Variants in TOP1 observed in about 807,000 individuals in gnomAD.
TOP1 encodes DNA topoisomerase 1.
A neutral mutation model predicts 111.1 loss-of-function variants in TOP1; 10 were observed. That is an observed-to-expected ratio of 0.09 (90% CI 0.06 to 0.15). TOP1 has a LOEUF of 0.15. Ranked by LOEUF, TOP1 falls within the 10% of genes least tolerant of loss-of-function variation. The probability of loss-of-function intolerance (pLI) is 1.00; values close to 1 mark genes in which losing one functional copy is unlikely to be tolerated. For synonymous variants in TOP1, 271 were observed against 302.9 expected (o/e 0.89, Z 1.10); for missense variants, 474 against 926.7 (o/e 0.51, Z 6.34).
chr20:41,092,912 T>C lies in TOP1; in HGVS notation c.730+325T>C, dbSNP rs1281144624. Among the ~76,000 whole-genome samples, 1 of 151,798 alleles carries C rather than the reference T, an allele frequency of 6.6e-6. No individual in the cohort carries two copies. The highest frequency in any genetic ancestry group is 1.5e-5 in the Non-Finnish European group (1 of 68,036). On this transcript the variant is annotated intron_variant, in intron 9 of 20. Transcript: ENST00000361337. This position sits in a 1 kb window ranked among gnomAD's most constrained non-coding sequence, Gnocchi z 4.3. Reference sequence around the variant, plus strand: ...CTAGGGAGCAACTCTTCGCAAGAGTTATTAGAAAAGCCTCACTTGAATGGT... The same window carrying C: ...CTAGGGAGCAACTCTTCGCAAGAGTCATTAGAAAAGCCTCACTTGAATGGT...
Position 41,097,405 on chromosome 20 carries a change from T to G in TOP1, c.852+64T>G. 1 of 1,462,864 alleles carries G rather than the reference T, an allele frequency of 6.8e-7. No homozygotes were observed. Among genetic ancestry groups the G allele is most frequent in the Non-Finnish European group, 9.2e-7 (1 of 1,090,964 alleles). 90.6% of individuals were successfully genotyped at this position (1,462,864 alleles called of 1,614,324 possible). Reference sequence around the variant, plus strand: ...AAACAATCAAGTACTAAGTAATAAATTATCATTTTGCAAAACATTTCCTGA... The same window carrying G: ...AAACAATCAAGTACTAAGTAATAAAGTATCATTTTGCAAAACATTTCCTGA... On this transcript the variant is annotated intron_variant, in intron 10 of 20. Transcript: ENST00000361337. This position sits in a 1 kb window ranked among gnomAD's most constrained non-coding sequence, Gnocchi z 4.2.
rs1472919187 is a variant in TOP1, at chr20:41,067,737, G to A, written c.155+6247G>A. Among the ~76,000 whole-genome samples the A allele has an allele frequency of 6.6e-6, 1 of 152,140 alleles. No homozygotes were observed. The highest frequency in any genetic ancestry group is 1.5e-5 in the Non-Finnish European group (1 of 68,022). On this transcript the variant is annotated intron_variant, in intron 3 of 20. Transcript: ENST00000361337. This position sits in a 1 kb window ranked among gnomAD's most constrained non-coding sequence, Gnocchi z 4.0. ...TCATTTGTCATCAGGCTATACTTAG[G>A]ACCCAAGCCCAGGAGGCATTTACTG...
At position 41,092,147 on chromosome 20, in the gene TOP1, T is replaced by G. The variant is rs1241851945; in HGVS notation, c.615-325T>G. On this transcript the variant is annotated intron_variant, in intron 8 of 20. Coordinates refer to ENST00000361337, the MANE Select transcript of TOP1 (RefSeq NM_003286.4). This position sits in a 1 kb window ranked among gnomAD's most constrained non-coding sequence, Gnocchi z 4.3. ...ACAATCCCTCTGTCATGTATGCCAT[T>G]GTGGTAAAACAACTGTTTACATTTT... is the stretch of plus-strand genomic sequence containing the variant. Among the ~76,000 whole-genome samples, 1 of 152,254 alleles carries G rather than the reference T, an allele frequency of 6.6e-6. No homozygotes were observed. Among genetic ancestry groups the G allele is most frequent in the African/African-American group, 2.4e-5 (1 of 41,462 alleles).
At position 41,098,514 on chromosome 20, in the gene TOP1, T is replaced by C; in HGVS notation, c.975+177T>C. 1.5e-6 allele frequency: 1 copy of C among 672,370 alleles called. No homozygotes were observed. Among genetic ancestry groups the C allele is most frequent in the Non-Finnish European group, 2.4e-6 (1 of 418,368 alleles). 41.7% of individuals were successfully genotyped at this position (672,370 alleles called of 1,614,324 possible). Reference sequence around the variant, plus strand: ...TAAAGGTTTTAGTTAGACTGAAAATTGTGAACAAGTACTTTGCTCAGTAGC... The same window carrying C: ...TAAAGGTTTTAGTTAGACTGAAAATCGTGAACAAGTACTTTGCTCAGTAGC... On this transcript the variant is annotated intron_variant, in intron 11 of 20. Coordinates refer to ENST00000361337, the MANE Select transcript of TOP1 (RefSeq NM_003286.4). This position sits in a 1 kb window ranked among gnomAD's most constrained non-coding sequence, Gnocchi z 5.7.
intron 3 of TOP1, among the ~76,000 whole-genome samples, chr20:41,064,846 C>T (rs935949262): frequency 6.6e-5 from 10 of 151,954 alleles, no homozygotes; most frequent in Admixed American, 2.6e-4. Context: ...TCCCTGAAAG[C>T]AGAATTGGGA....
At chr20:41,052,425 G>A (rs192073521) in intron 2 of TOP1, among the ~76,000 whole-genome samples, 39 of 152,288 alleles carry the variant, frequency 2.6e-4, no homozygotes, top group Admixed American at 2.2e-3. Flanking sequence ...TTTTCCCTAT[G>A]GAGAATGAAC....
chr20:41,072,573 C>A (rs955574418), intron 3 of TOP1: 9 of 985,254 alleles, frequency 9.1e-6, no homozygotes, highest in Non-Finnish European at 1.1e-5. Context: ...TGTTCCCCAG[C>A]GCCTTTGCTA....
Position 41,112,729 on chromosome 20 carries a change from G to C in TOP1, c.1309-53G>C. 1 of 1,596,974 alleles carries C rather than the reference G, an allele frequency of 6.3e-7. No individual in the cohort carries two copies. The highest frequency in any genetic ancestry group is 1.1e-5 in the South Asian group (1 of 89,006). ...CCTTGCCTGGCTATATTCAAAGTCTGTCTTTACTACACTGTCCCAAAGTAA... is the reference window on the plus strand; with the variant it reads ...CCTTGCCTGGCTATATTCAAAGTCTCTCTTTACTACACTGTCCCAAAGTAA... On this transcript the variant is annotated intron_variant, in intron 13 of 20. Transcript: ENST00000361337. This position sits in a 1 kb window ranked among gnomAD's most constrained non-coding sequence, Gnocchi z 5.8.
Position 41,098,235 on chromosome 20 carries a change from G to T in TOP1, c.873G>T (p.Lys291Asn), listed in dbSNP as rs767387396. ...DWRKEMTNEE[K>N]NIITNLSKCD... The stretch of plus-strand genomic sequence containing the variant: ...ACTAGGAAATGACTAATGAAGAGAA[G>T]AATATTATCACCAACCTAAGCAAAT... The change falls in exon 11 of 21, where the codon AAG becomes AAT. Residue 291 changes from lysine to asparagine, a missense_variant. Physicochemically the swap from Lys to Asn is moderately conservative, Grantham distance 94 (BLOSUM62 0). This residue lies in a region of TOP1 where 84 missense variants were observed against 119.2 expected (regional missense o/e 0.70). Transcript: ENST00000361337. This position sits in a 1 kb window ranked among gnomAD's most constrained non-coding sequence, Gnocchi z 5.7. The T allele has an allele frequency of 3.7e-6, 6 of 1,613,716 alleles. No homozygotes were observed. The highest frequency in any genetic ancestry group is 1.7e-5 in the Admixed American group (1 of 59,980).
rs550513960 is a variant in TOP1 at position 41,101,924 on chromosome 20, G to C, written c.1308+571G>C. 6.6e-6 allele frequency among the ~76,000 whole-genome samples: 1 copy of C among 152,336 alleles called. No homozygotes were observed. Among genetic ancestry groups the C allele is most frequent in the East Asian group, 1.9e-4 (1 of 5,190 alleles). On this transcript the variant is annotated intron_variant, in intron 13 of 20. Transcript: ENST00000361337. This position sits in a 1 kb window ranked among gnomAD's most constrained non-coding sequence, Gnocchi z 4.1. Reference sequence around the variant, plus strand: ...ACATACCTATGCACTGTTATTTATTGATAGTGTTATTGCAAGGAGATAACT... The same window carrying C: ...ACATACCTATGCACTGTTATTTATTCATAGTGTTATTGCAAGGAGATAACT...
In TOP1 at chr20:41,079,629, CT is replaced by C; in HGVS notation, c.336-453del. Among the ~76,000 whole-genome samples the C allele has an allele frequency of 6.6e-6, 1 of 152,130 alleles. No individual in the cohort carries two copies. The highest frequency in any genetic ancestry group is 6.5e-5 in the Admixed American group (1 of 15,270). ...GTACGTTATTGCCACATTTTTAGAA[CT>C]TTAAGGTACTAAGTTGGGGAAATCA... On this transcript the variant is annotated intron_variant, in intron 5 of 20. Coordinates refer to ENST00000361337, the MANE Select transcript of TOP1 (RefSeq NM_003286.4). This position sits in a 1 kb window ranked among gnomAD's most constrained non-coding sequence, Gnocchi z 4.0.
intron 2 of TOP1, among the ~76,000 whole-genome samples, chr20:41,050,993 T>C (rs912800388): frequency 6.6e-6 from 1 of 152,200 alleles, no homozygotes; most frequent in African/African-American, 2.4e-5. Flanking sequence ...TACAAGAGTT[T>C]TAATAATGAG....
chr20:41,061,505 A>G lies in TOP1; in HGVS notation c.155+15A>G. On this transcript the variant is annotated intron_variant, in intron 3 of 20. Coordinates refer to ENST00000361337, the MANE Select transcript of TOP1 (RefSeq NM_003286.4). This position sits in a 1 kb window ranked among gnomAD's most constrained non-coding sequence, Gnocchi z 4.6. Reference sequence around the variant, plus strand: ...CATAGCAACAGGTAAGGGTGGAATCAAGCAAGTCCCTCATCATTCAGCAGT... The same window carrying G: ...CATAGCAACAGGTAAGGGTGGAATCGAGCAAGTCCCTCATCATTCAGCAGT... The G allele has an allele frequency of 6.4e-7, 1 of 1,569,876 alleles. No individual in the cohort carries two copies. Among genetic ancestry groups the G allele is most frequent in the Non-Finnish European group, 8.7e-7 (1 of 1,155,216 alleles).
chr20:41,106,518 T>C lies in TOP1; in HGVS notation c.1308+5165T>C, dbSNP rs145004635. Among the ~76,000 whole-genome samples the C allele has an allele frequency of 1.7e-3, 259 of 152,340 alleles. No homozygotes were observed. The highest frequency in any genetic ancestry group is 5.9e-3 in the African/African-American group (245 of 41,582). The stretch of plus-strand genomic sequence containing the variant: ...ATTGACAATACAATTGAGTTTCCAA[T>C]TCACGAACATGTTATACCTCTCCAT... On this transcript the variant is annotated intron_variant, in intron 13 of 20. Transcript: ENST00000361337. The surrounding 1 kb of genome is among the most constrained non-coding windows in gnomAD (Gnocchi z 4.3).
intron 4 of TOP1, among the ~76,000 whole-genome samples, chr20:41,077,315 A>T (rs1469335773): frequency 6.6e-6 from 1 of 152,208 alleles, no homozygotes; most frequent in Non-Finnish European, 1.5e-5. Flanking sequence ...TTATTGGGGA[A>T]AAGAGACCTG....
Position 41,123,165 on chromosome 20 carries a change from A to ATC in TOP1, c.2196-29_2196-28dup, listed in dbSNP as rs775878224. 21 of 1,532,178 alleles carry ATC rather than the reference A, an allele frequency of 1.4e-5. No individual in the cohort carries two copies. In the South Asian group the frequency reaches 2.4e-4, roughly 17 times the overall value. The allele number at this position is 1,532,178 out of a possible 1,614,324, so 94.9% of individuals were successfully genotyped here. ...TATGGGCCATTGCTGAGTCACCCTA[A>ATC]TCCCCCCCTTATTTCTCCTTTGTTT... On this transcript the variant is annotated intron_variant, in intron 20 of 20. Coordinates refer to ENST00000361337, the MANE Select transcript of TOP1 (RefSeq NM_003286.4). This position sits in a 1 kb window ranked among gnomAD's most constrained non-coding sequence, Gnocchi z 5.8.
At chr20:41,076,894 T>G (rs2038242532) in intron 4 of TOP1, among the ~76,000 whole-genome samples, 1 of 152,192 alleles carries the variant, frequency 6.6e-6, no homozygotes, top group African/African-American at 2.4e-5. Context: ...CTATACTGAT[T>G]ATGTTTTGTA....
At chr20:41,077,555 A>G (rs1314880182) in intron 4 of TOP1, 27 bp from the exon 5 acceptor site, 12 of 1,599,546 alleles carry the variant, frequency 7.5e-6, no homozygotes, top group Admixed American at 1.7e-5. Flanking sequence ...CTTTCAAGGT[A>G]CTAGTTACTG....
intron 9 of TOP1, among the ~76,000 whole-genome samples, chr20:41,093,489 C>T (rs1251436392): frequency 6.6e-6 from 1 of 152,048 alleles, no homozygotes; most frequent in African/African-American, 2.4e-5. Flanking sequence ...TCCCCCTTCT[C>T]CTTTCCCCAG....
Sources: allele counts gnomAD v4.1 joint callset (sites outside exome capture counted in the v4.1 genomes callset), GRCh38; gene constraint gnomAD v4.1.1; regional missense constraint gnomAD v4.1.1; non-coding constraint Gnocchi (gnomAD v3.1); transcripts MANE v1.5; gene names NCBI Gene and HGNC (gene_info 2026-07-23, HGNC 2026-07-21).